UBE4B: variants seen among roughly 807,000 people sequenced by gnomAD.
UBE4B encodes the protein ubiquitin conjugation factor E4 B.
Under a neutral mutation model 148.1 loss-of-function variants are expected in UBE4B, and 27 were observed. The observed-to-expected ratio is 0.18, with a 90% confidence interval of 0.13 to 0.25. The LOEUF (loss-of-function observed/expected upper bound fraction) is 0.25, where lower values mean the gene tolerates loss of function less well. UBE4B is among the 10% of genes least tolerant of loss of function. UBE4B has a pLI of 1.00. For missense variants in UBE4B, 1,170 were observed against 1,662.4 expected (o/e 0.70, Z 5.15); for synonymous variants, 596 against 619.3 (o/e 0.96, Z 0.56).
At chr1:10,047,825 C>G (rs1204376525) in intron 1 of UBE4B, among the ~76,000 whole-genome samples, 7 of 152,148 alleles carry the variant, frequency 4.6e-5, no homozygotes, top group Non-Finnish European at 2.9e-5. Flanking sequence ...TTGGCTAGAG[C>G]TTAGTCTCCT....
intron 20 of UBE4B, among the ~76,000 whole-genome samples, chr1:10,151,062 C>G (rs1346950717): frequency 1.3e-5 from 2 of 151,070 alleles, no homozygotes; most frequent in African/African-American, 2.4e-5. Context: ...ACTCGGGAGG[C>G]TGAGGCAGGA....
chr1:10,127,284 T>C (rs961619631), intron 11 of UBE4B, among the ~76,000 whole-genome samples: 9 of 152,356 alleles, frequency 5.9e-5, no homozygotes, highest in East Asian at 3.9e-4. Flanking sequence ...TTTATCTTTA[T>C]GTGTTTACTT....
In UBE4B at chr1:10,095,504, C is replaced by A; in HGVS notation, c.255C>A (p.Leu85=). The A allele has an allele frequency of 6.2e-7, 1 of 1,614,160 alleles. No individual in the cohort carries two copies. Among genetic ancestry groups the A allele is most frequent in the Non-Finnish European group, 8.5e-7 (1 of 1,180,024 alleles). The change falls in exon 3 of 28, where the codon CTC becomes CTA. Residue 85 remains leucine (L), a synonymous_variant. Transcript: ENST00000343090. ...AGAGCAGTGAAGGAGTCAGTTCTCTCAGCAGCTCGCCCTCTAATAGCCTTG... is the reference window on the plus strand; with the variant it reads ...AGAGCAGTGAAGGAGTCAGTTCTCTAAGCAGCTCGCCCTCTAATAGCCTTG... ...RSQSSEGVSS[L]SSSPSNSLET...
At chr1:10,169,630 G>A (rs1646308881) in intron 24 of UBE4B, among the ~76,000 whole-genome samples, 1 of 152,222 alleles carries the variant, frequency 6.6e-6, no homozygotes, top group African/African-American at 2.4e-5. Flanking sequence ...AGGCCAGATA[G>A]TAAATAGTTG....
At chr1:10,162,631 T>A (rs1034051707) in intron 23 of UBE4B, among the ~76,000 whole-genome samples, 2 of 151,734 alleles carry the variant, frequency 1.3e-5, no homozygotes, top group Non-Finnish European at 2.9e-5. Context: ...TTTTCTTTTT[T>A]AATTTCAACT....
chr1:10,117,805 G>A (rs1013112103), intron 8 of UBE4B, among the ~76,000 whole-genome samples: 3 of 152,166 alleles, frequency 2.0e-5, no homozygotes, highest in Admixed American at 2.0e-4. Flanking sequence ...TTCTAATAGA[G>A]ACAGAGCCAA....
At chr1:10,137,882 A>G (rs191974179) in intron 17 of UBE4B, among the ~76,000 whole-genome samples, 8 of 120,042 alleles carry the variant, frequency 6.7e-5, no homozygotes, top group Non-Finnish European at 1.0e-4. Context: ...AATCATATTT[A>G]TATCTCTGTA....
At chr1:10,155,415 G>A (rs576144081) in intron 21 of UBE4B, among the ~76,000 whole-genome samples, 64 of 152,274 alleles carry the variant, frequency 4.2e-4, no homozygotes, top group Non-Finnish European at 8.8e-4. Context: ...AGCTTAAAAG[G>A]GTCAAGAAGC....
chr1:10,102,155 G>A (rs960673317), intron 4 of UBE4B, among the ~76,000 whole-genome samples: 3 of 152,074 alleles, frequency 2.0e-5, no homozygotes, highest in African/African-American at 7.2e-5. Context: ...TCCTAGTGGT[G>A]CAGTGCTTTA....
At chr1:10,130,667 C>A in intron 13 of UBE4B, 48 bp from the exon 14 acceptor site, 1 of 1,612,346 alleles carries the variant, frequency 6.2e-7, no homozygotes, top group Non-Finnish European at 8.5e-7. Context: ...CAGATTCTTT[C>A]CCAAATGTGC....
At chr1:10,039,818 A>G (rs1006498774) in intron 1 of UBE4B, among the ~76,000 whole-genome samples, 13 of 152,074 alleles carry the variant, frequency 8.5e-5, no homozygotes, top group African/African-American at 3.1e-4. Context: ...AGTAAAGGGT[A>G]GTTTGGGAGA....
intron 25 of UBE4B, 111 bp from the exon 26 acceptor site, chr1:10,178,533 T>C: frequency 3.4e-6 from 4 of 1,175,258 alleles, no homozygotes; most frequent in Non-Finnish European, 4.6e-6. Flanking sequence ...TTTTAGGGCT[T>C]TTTTAGTGGG....
intron 19 of UBE4B, among the ~76,000 whole-genome samples, chr1:10,147,611 C>T (rs1377959510): frequency 6.6e-6 from 1 of 152,272 alleles, no homozygotes; most frequent in East Asian, 1.9e-4. Context: ...AATGTCAACA[C>T]CTGTTATTTT....
At chr1:10,039,927 G>A (rs1234977887) in intron 1 of UBE4B, among the ~76,000 whole-genome samples, 1 of 152,054 alleles carries the variant, frequency 6.6e-6, no homozygotes, top group East Asian at 1.9e-4. Flanking sequence ...CTGTGGGAAT[G>A]GAGGGGAGCA....
At chr1:10,033,752 C>A in intron 1 of UBE4B, 58 bp downstream of exon 1, 1 of 1,494,886 alleles carries the variant, frequency 6.7e-7, no homozygotes. Flanking sequence ...GCGCTTTGGA[C>A]AGGGATGGTA....
chr1:10,046,325 G>A (rs1424992526), intron 1 of UBE4B, among the ~76,000 whole-genome samples: 1 of 152,186 alleles, frequency 6.6e-6, no homozygotes, highest in Non-Finnish European at 1.5e-5. Context: ...CTTCTCCCGA[G>A]GGAGACAACC....
intron 2 of UBE4B, among the ~76,000 whole-genome samples, chr1:10,074,139 C>G (rs1455424324): frequency 6.6e-6 from 1 of 151,900 alleles, no homozygotes. Flanking sequence ...CAGATGCAGG[C>G]AGAACCTAGG....
chr1:10,166,373 A>G (rs1041743060), intron 23 of UBE4B: 1 of 152,252 alleles, frequency 6.6e-6, no homozygotes, highest in African/African-American at 2.4e-5. Flanking sequence ...GTGGTGTGAC[A>G]GCCTCACAGT....
At chr1:10,130,898 C>T in intron 14 of UBE4B, 85 bp downstream of exon 14, 3 of 1,211,810 alleles carry the variant, frequency 2.5e-6, no homozygotes, top group Non-Finnish European at 3.6e-6. Flanking sequence ...TGGACTATGC[C>T]CAGTAGACAA....
Sources: gnomAD v4.1 joint callset for allele counts (sites outside exome capture counted in the v4.1 genomes callset) on GRCh38, gnomAD v4.1.1 for gene constraint, MANE v1.5 for transcripts, NCBI Gene and HGNC (gene_info 2026-07-23, HGNC 2026-07-21) for gene names.